GATAD2A: variants seen among roughly 807,000 people sequenced by gnomAD.
The protein encoded by GATAD2A is transcriptional repressor p66-alpha.
A neutral mutation model predicts 68.5 loss-of-function variants in GATAD2A; 12 were observed. That is an observed-to-expected ratio of 0.18 (90% CI 0.11 to 0.28). The LOEUF is 0.28. GATAD2A is among the 10% of genes least tolerant of loss of function. The pLI is 1.00. For synonymous variants in GATAD2A, 410 were observed against 375.3 expected (o/e 1.09, Z -1.07); for missense variants, 755 against 868.5 (o/e 0.87, Z 1.64).
intron 1 of GATAD2A, among the ~76,000 whole-genome samples, chr19:19,425,175 TAATAC>T (rs1231580613): frequency 6.6e-6 from 1 of 152,010 alleles, no homozygotes; most frequent in Non-Finnish European, 1.5e-5. Context: ...ACCGTAAAGG[TAATAC>T]AATTAGTTGA....
intron 2 of GATAD2A, among the ~76,000 whole-genome samples, chr19:19,474,910 G>A (rs552973277): frequency 6.6e-6 from 1 of 152,222 alleles, no homozygotes; most frequent in African/African-American, 2.4e-5. Flanking sequence ...GCCTACACGT[G>A]TGGCTCTGTC....
At chr19:19,471,657 G>T (rs76885029) in intron 2 of GATAD2A, among the ~76,000 whole-genome samples, 1 of 152,024 alleles carries the variant, frequency 6.6e-6, no homozygotes, top group African/African-American at 2.4e-5. Context: ...TGAATTTTGC[G>T]GTATGTAAAG....
At chr19:19,491,718 G>A (rs1409542017) in intron 2 of GATAD2A, among the ~76,000 whole-genome samples, 1 of 152,246 alleles carries the variant, frequency 6.6e-6, no homozygotes, top group African/African-American at 2.4e-5. Context: ...CAAGCTGGCA[G>A]CCTGTGGATA....
intron 9 of GATAD2A, 107 bp downstream of exon 9, chr19:19,501,523 A>G (rs1450155618): frequency 4.6e-6 from 4 of 866,364 alleles, no homozygotes; most frequent in Non-Finnish European, 6.9e-6. Context: ...GCACGTCTAA[A>G]TTGCAGTTAA....
chr19:19,435,039 C>A, intron 1 of GATAD2A: 1 of 518,472 alleles, frequency 1.9e-6, no homozygotes, highest in Non-Finnish European at 4.0e-6. Context: ...GGAGAATGAG[C>A]CCTGCGTGCT....
At chr19:19,394,434 C>A (rs368589190) in intron 1 of GATAD2A, among the ~76,000 whole-genome samples, 1 of 149,996 alleles carries the variant, frequency 6.7e-6, no homozygotes, top group Non-Finnish European at 1.5e-5. Flanking sequence ...TCCCTCTGCC[C>A]GGGCTTTCCT....
chr19:19,490,944 G>A (rs1006320331), intron 2 of GATAD2A, among the ~76,000 whole-genome samples: 7 of 152,192 alleles, frequency 4.6e-5, no homozygotes, highest in East Asian at 1.9e-4. Flanking sequence ...GCCTTGTGCC[G>A]TCAGCAAATG....
At chr19:19,461,168 T>C (rs1231741172) in intron 1 of GATAD2A, among the ~76,000 whole-genome samples, 1 of 152,228 alleles carries the variant, frequency 6.6e-6, no homozygotes, top group Non-Finnish European at 1.5e-5. Flanking sequence ...TCAGCCCTGC[T>C]GCTCCCGCCA....
chr19:19,394,621 T>C (rs2049088875), intron 1 of GATAD2A, among the ~76,000 whole-genome samples: 1 of 152,150 alleles, frequency 6.6e-6, no homozygotes, highest in Admixed American at 6.5e-5. Flanking sequence ...TAATTTTTTG[T>C]ATTTTAGTAG....
intron 1 of GATAD2A, among the ~76,000 whole-genome samples, chr19:19,389,928 A>G (rs2048724155): frequency 6.6e-6 from 1 of 152,136 alleles, no homozygotes; most frequent in East Asian, 1.9e-4. Flanking sequence ...ACGCCCGGCT[A>G]TATTTTTGTA....
intron 1 of GATAD2A, among the ~76,000 whole-genome samples, chr19:19,464,245 C>G (rs1049240866): frequency 1.3e-5 from 2 of 152,268 alleles, no homozygotes; most frequent in African/African-American, 4.8e-5. Flanking sequence ...TGGGCACCAA[C>G]TGTCCCATGG....
chr19:19,459,029 C>G (rs1481810366), intron 1 of GATAD2A, among the ~76,000 whole-genome samples: 1 of 152,174 alleles, frequency 6.6e-6, no homozygotes, highest in African/African-American at 2.4e-5. Context: ...TGGACTCATA[C>G]ACCTGGGCTC....
chr19:19,473,000 A>G (rs1407546046), intron 2 of GATAD2A, among the ~76,000 whole-genome samples: 3 of 152,188 alleles, frequency 2.0e-5, no homozygotes, highest in Non-Finnish European at 4.4e-5. Flanking sequence ...AGGACTTGCC[A>G]TTGCCGATGT....
In GATAD2A at chr19:19,507,823, A is replaced by G. The variant is rs1036842822; in HGVS notation, c.*2349A>G. On this transcript the variant is annotated 3_prime_UTR_variant, in exon 12 of 12. Coordinates refer to ENST00000683918, the MANE Select transcript of GATAD2A (RefSeq NM_001384528.1). ...TCTTTCCTTCATTTCTGCTGTCTCG[A>G]ACACTCTAGCCCATTATTTCCTTTC... The G allele has an allele frequency of 5.3e-5, 8 of 152,108 alleles. No homozygotes were observed. Among genetic ancestry groups the G allele is most frequent in the African/African-American group, 1.9e-4 (8 of 41,400 alleles). 9.4% of individuals were successfully genotyped at this position (152,108 alleles called of 1,614,324 possible). A position where few individuals can be genotyped will look rare whatever the true frequency, so the allele number is the denominator to read the frequency against.
At chr19:19,394,612 A>G (rs547282874) in intron 1 of GATAD2A, among the ~76,000 whole-genome samples, 11 of 152,098 alleles carry the variant, frequency 7.2e-5, no homozygotes, top group African/African-American at 2.7e-4. Flanking sequence ...ATGCCTGGCT[A>G]ATTTTTTGTA....
chr19:19,446,612 A>G (rs1339481427), intron 1 of GATAD2A, among the ~76,000 whole-genome samples: 1 of 151,688 alleles, frequency 6.6e-6, no homozygotes, highest in Non-Finnish European at 1.5e-5. Flanking sequence ...AAGTCATGAC[A>G]TTTTTCTCCT....
At chr19:19,470,168 T>TTTTA (rs1364611040) in intron 2 of GATAD2A, among the ~76,000 whole-genome samples, 1 of 149,588 alleles carries the variant, frequency 6.7e-6, no homozygotes, top group Non-Finnish European at 1.5e-5. Context: ...TTTTTTTTTT[T>TTTTA]GAGACAGAGT....
At chr19:19,395,424 C>T (rs1280867475) in intron 1 of GATAD2A, among the ~76,000 whole-genome samples, 1 of 151,830 alleles carries the variant, frequency 6.6e-6, no homozygotes, top group Non-Finnish European at 1.5e-5. Context: ...CACTGCACTC[C>T]AGCCTGGGCA....
intron 1 of GATAD2A, among the ~76,000 whole-genome samples, chr19:19,406,791 C>T (rs1055375219): frequency 6.6e-6 from 1 of 152,208 alleles, no homozygotes; most frequent in Non-Finnish European, 1.5e-5. Context: ...AGGGCCCAGG[C>T]TGAGAGCCTG....
Sources: allele counts gnomAD v4.1 joint callset (sites outside exome capture counted in the v4.1 genomes callset), GRCh38; gene constraint gnomAD v4.1.1; transcripts MANE v1.5; gene names NCBI Gene and HGNC (gene_info 2026-07-23, HGNC 2026-07-21).